The following TUSC3 variants were observed in gnomAD, a reference collection of about 807,000 sequenced individuals.
TUSC3 encodes the protein dolichyl-diphosphooligosaccharide--protein glycosyltransferase subunit TUSC3.
TUSC3 carries 45 observed loss-of-function variants against 44.8 expected under a neutral mutation model. The ratio of observed to expected loss-of-function variants is 1.00; its 90% CI spans 0.79 to 1.29. TUSC3 has a LOEUF of 1.29. Among genes scored for constraint, TUSC3 ranks in the 50% most tolerant of loss-of-function variants. TUSC3 has a pLI of 0.00. For missense variants in TUSC3, 519 were observed against 437.9 expected (o/e 1.19, Z -1.65); for synonymous variants, 212 against 152.9 (o/e 1.39, Z -2.85).
chr8:15,635,856 G>C (rs78776245), intron 2 of TUSC3, among the ~76,000 whole-genome samples: 3,461 of 152,208 alleles, frequency 0.023, 124 homozygotes, highest in African/African-American at 0.077. Context: ...TTAATTAGCA[G>C]CTTGATTCCA....
At chr8:15,834,372 A>G in the TUSC3 span, among the ~76,000 whole-genome samples, 2 of 152,120 alleles carry the variant, frequency 1.3e-5, no homozygotes, top group Non-Finnish European at 2.9e-5. Flanking sequence ...ATTGTGTTGA[A>G]TAGTTCTGCC....
At chr8:15,455,854 A>G (rs1329086941) in intron 1 of TUSC3, among the ~76,000 whole-genome samples, 1 of 152,180 alleles carries the variant, frequency 6.6e-6, no homozygotes, top group African/African-American at 2.4e-5. Flanking sequence ...ATGAGAGACC[A>G]CCAGGCTAGG....
At chr8:15,687,058 G>C (rs917455114) in intron 6 of TUSC3, among the ~76,000 whole-genome samples, 1 of 152,014 alleles carries the variant, frequency 6.6e-6, no homozygotes, top group Admixed American at 6.6e-5. Context: ...GGGTGACAGA[G>C]CAAGACTCCG....
At chr8:15,632,407 G>A (rs896542361) in intron 2 of TUSC3, among the ~76,000 whole-genome samples, 1 of 152,070 alleles carries the variant, frequency 6.6e-6, no homozygotes, top group Admixed American at 6.5e-5. Context: ...ATTATCAGGA[G>A]GCCCATAATA....
At chr8:15,479,795 G>A (rs548474726) in intron 1 of TUSC3, among the ~76,000 whole-genome samples, 1 of 151,994 alleles carries the variant, frequency 6.6e-6, no homozygotes, top group Admixed American at 6.6e-5. Context: ...TGGAAGTTCT[G>A]GCCAGGCCTA....
At chr8:15,784,886 TAA>T in the TUSC3 span, among the ~76,000 whole-genome samples, 112 of 152,182 alleles carry the variant, frequency 7.4e-4, no homozygotes, top group Non-Finnish European at 1.2e-3. Flanking sequence ...TAAAATTTGC[TAA>T]AAGAGTAGAT....
At chr8:15,652,476 T>C (rs552733936) in intron 3 of TUSC3, among the ~76,000 whole-genome samples, 1 of 152,352 alleles carries the variant, frequency 6.6e-6, no homozygotes, top group Non-Finnish European at 1.5e-5. Context: ...CAAATAGTTT[T>C]GCTCCTATGG....
chr8:15,837,255 C>T, the TUSC3 span, among the ~76,000 whole-genome samples: 1 of 152,068 alleles, frequency 6.6e-6, no homozygotes, highest in Admixed American at 6.6e-5. Flanking sequence ...ATTAAGATAA[C>T]TGAAATCATT....
the TUSC3 span, among the ~76,000 whole-genome samples, chr8:15,841,713 C>A: frequency 2.0e-5 from 3 of 152,138 alleles, no homozygotes; most frequent in African/African-American, 7.2e-5. Flanking sequence ...GGGGTTTTGC[C>A]ATGTTGGCAA....
chr8:15,457,874 A>G (rs1283068450), intron 1 of TUSC3, among the ~76,000 whole-genome samples: 1 of 44,080 alleles, frequency 2.3e-5, no homozygotes, highest in Non-Finnish European at 5.6e-5. Context: ...TAAATTAATT[A>G]GATAATTACT....
intron 10 of TUSC3, among the ~76,000 whole-genome samples, 198 bp from the exon 11 acceptor site, chr8:15,764,005 T>TG (rs1812254807): frequency 6.6e-6 from 1 of 152,088 alleles, no homozygotes; most frequent in Admixed American, 6.6e-5. Flanking sequence ...ACCCTGACCC[T>TG]GTTCCCAACC....
At chr8:15,808,093 T>C in the TUSC3 span, among the ~76,000 whole-genome samples, 2 of 152,168 alleles carry the variant, frequency 1.3e-5, no homozygotes, top group Non-Finnish European at 2.9e-5. Context: ...CTTTTGAACA[T>C]ATTATTACAG....
chr8:15,464,391 T>C (rs1800388280), intron 1 of TUSC3, among the ~76,000 whole-genome samples: 1 of 152,204 alleles, frequency 6.6e-6, no homozygotes, highest in African/African-American at 2.4e-5. Flanking sequence ...CATTCATTCA[T>C]GGATTCAACA....
At chr8:15,794,292 A>G in the TUSC3 span, among the ~76,000 whole-genome samples, 1 of 152,098 alleles carries the variant, frequency 6.6e-6, no homozygotes, top group Admixed American at 6.6e-5. Flanking sequence ...CCACAATAAC[A>G]CAGCCACTCT....
chr8:15,848,146 A>G, the TUSC3 span, among the ~76,000 whole-genome samples: 1 of 151,914 alleles, frequency 6.6e-6, no homozygotes, highest in Admixed American at 6.5e-5. Flanking sequence ...TGAAGTAAGC[A>G]TATATCGTCT....
At chr8:15,659,704 G>T in intron 4 of TUSC3, 57 bp downstream of exon 4, 1 of 1,599,216 alleles carries the variant, frequency 6.3e-7, no homozygotes, top group Non-Finnish European at 8.5e-7. Context: ...TTTTTATGGA[G>T]CATTTTAATA....
At chr8:15,462,235 C>T (rs574653643) in intron 1 of TUSC3, among the ~76,000 whole-genome samples, 2 of 152,150 alleles carry the variant, frequency 1.3e-5, no homozygotes, top group South Asian at 4.1e-4. Context: ...CATCACCATT[C>T]TATGTGGCAG....
intron 1 of TUSC3, among the ~76,000 whole-genome samples, chr8:15,581,271 C>T (rs1477714980): frequency 7.0e-6 from 1 of 142,980 alleles, no homozygotes; most frequent in Non-Finnish European, 1.5e-5. Context: ...GAATGTCCTC[C>T]CGTAGCTGAG....
chr8:15,684,834 T>A (rs549822474), intron 6 of TUSC3, among the ~76,000 whole-genome samples: 2 of 152,280 alleles, frequency 1.3e-5, no homozygotes, highest in African/African-American at 4.8e-5. Flanking sequence ...GCAGCTGTGC[T>A]GCAGGAGAGC....
Sources: gnomAD v4.1 joint callset for allele counts (sites outside exome capture counted in the v4.1 genomes callset) on GRCh38, gnomAD v4.1.1 for gene constraint, MANE v1.5 for transcripts, NCBI Gene and HGNC (gene_info 2026-07-23, HGNC 2026-07-21) for gene names.